Variants in KCND2 observed in about 807,000 individuals in gnomAD.
The protein encoded by KCND2 is potassium voltage-gated channel subfamily D member 2.
A neutral mutation model predicts 54.4 loss-of-function variants in KCND2; 16 were observed. The observed-to-expected ratio is 0.29, with a 90% CI of 0.20 to 0.45. The LOEUF (loss-of-function observed/expected upper bound fraction) is 0.45. Among genes scored for constraint, KCND2 ranks in the 20% least tolerant of loss-of-function variants. The pLI is 1.00. For missense variants in KCND2, 486 were observed against 824.2 expected (o/e 0.59, Z 5.02); for synonymous variants, 317 against 310.7 (o/e 1.02, Z -0.21).
At chr7:120,423,746 A>T (rs1801660950) in intron 1 of KCND2, among the ~76,000 whole-genome samples, 1 of 152,190 alleles carries the variant, frequency 6.6e-6, no homozygotes, top group South Asian at 2.1e-4. Flanking sequence ...TAGCAGAATG[A>T]TACATTTTAT....
chr7:120,604,607 A>G (rs1269048510), intron 1 of KCND2, among the ~76,000 whole-genome samples: 4 of 151,330 alleles, frequency 2.6e-5, no homozygotes, highest in South Asian at 2.1e-4. Context: ...ATTTAGATTC[A>G]GTGTTCTCTC....
intron 1 of KCND2, among the ~76,000 whole-genome samples, chr7:120,376,829 G>C (rs1421030876): frequency 1.3e-5 from 2 of 151,836 alleles, no homozygotes; most frequent in East Asian, 1.9e-4. Context: ...TATGTTAATT[G>C]TGTTCTTTAA....
intron 1 of KCND2, among the ~76,000 whole-genome samples, chr7:120,731,410 G>T (rs1792804835): frequency 6.6e-6 from 1 of 152,182 alleles, no homozygotes; most frequent in Admixed American, 6.6e-5. Context: ...CATTTAAATG[G>T]CACCCTGAAT....
intron 1 of KCND2, among the ~76,000 whole-genome samples, chr7:120,620,509 T>A: frequency 6.6e-6 from 1 of 152,222 alleles, no homozygotes; most frequent in East Asian, 1.9e-4. Flanking sequence ...CTACCAGGCA[T>A]TTTCCAACCA....
At chr7:120,630,373 G>GA (rs921384285) in intron 1 of KCND2, among the ~76,000 whole-genome samples, 3 of 151,962 alleles carry the variant, frequency 2.0e-5, no homozygotes, top group Admixed American at 6.5e-5. Context: ...TCTTCAATGT[G>GA]AAAAAAAGCC....
At chr7:120,693,060 G>A (rs1044728513) in intron 1 of KCND2, among the ~76,000 whole-genome samples, 2 of 152,118 alleles carry the variant, frequency 1.3e-5, no homozygotes, top group Non-Finnish European at 2.9e-5. Flanking sequence ...GAAACAAGAA[G>A]TAGAATTATT....
At chr7:120,678,738 GTA>G (rs66483423) in intron 1 of KCND2, among the ~76,000 whole-genome samples, 9,784 of 115,080 alleles carry the variant, frequency 0.085, 354 homozygotes, top group East Asian at 0.2. Context: ...GTGTGTGAGT[GTA>G]TATATATATA....
At chr7:120,519,000 C>T (rs146504677) in intron 1 of KCND2, among the ~76,000 whole-genome samples, 11 of 152,074 alleles carry the variant, frequency 7.2e-5, no homozygotes, top group Non-Finnish European at 1.3e-4. Context: ...CATGTTGTTG[C>T]TGGTTTGCAA....
chr7:120,295,382 A>C (rs1281927106), intron 1 of KCND2, among the ~76,000 whole-genome samples: 1 of 142,470 alleles, frequency 7.0e-6, no homozygotes, highest in Non-Finnish European at 1.5e-5. Context: ...ACACACACAC[A>C]CACACACACA....
rs557049494 is a variant in KCND2, at chr7:120,526,730, C to A, written c.1116-206173C>A. Among the ~76,000 whole-genome samples the A allele has an allele frequency of 7.9e-5, 12 of 152,178 alleles. 1 individual carries two copies. In the South Asian group the frequency reaches 2.5e-3, roughly 32 times the overall value. On this transcript the variant is annotated intron_variant, in intron 1 of 5. Coordinates refer to ENST00000331113, the MANE Select transcript of KCND2 (RefSeq NM_012281.3). The stretch of plus-strand genomic sequence containing the variant: ...TTATTCAATGTGGAAAAATGTTTAT[C>A]TACATATATAATTGTTTTACATAAG...
chr7:120,539,600 C>T (rs1221615966), intron 1 of KCND2, among the ~76,000 whole-genome samples: 1 of 152,082 alleles, frequency 6.6e-6, no homozygotes, highest in Non-Finnish European at 1.5e-5. Context: ...TTAATGGAGA[C>T]ACAGGAACAA....
chr7:120,392,487 C>A (rs1328049843), intron 1 of KCND2, among the ~76,000 whole-genome samples: 1 of 147,246 alleles, frequency 6.8e-6, no homozygotes, highest in African/African-American at 2.5e-5. Context: ...TACAAAAGTT[C>A]TTTGTTTATT....
chr7:120,455,678 T>C (rs1433490149), intron 1 of KCND2, among the ~76,000 whole-genome samples: 1 of 152,176 alleles, frequency 6.6e-6, no homozygotes, highest in Admixed American at 6.5e-5. Context: ...ATCATGTTTT[T>C]TGCAGCAACA....
intron 1 of KCND2, among the ~76,000 whole-genome samples, chr7:120,298,252 G>T (rs553500528): frequency 5.9e-5 from 9 of 152,062 alleles, no homozygotes; most frequent in Admixed American, 5.9e-4. Flanking sequence ...TCTCTAGGGC[G>T]CATCCTCTCC....
intron 1 of KCND2, among the ~76,000 whole-genome samples, chr7:120,484,733 A>G (rs1307217607): frequency 6.6e-6 from 1 of 151,336 alleles, no homozygotes; most frequent in Non-Finnish European, 1.5e-5. Context: ...ACACACACAC[A>G]AAGAATTTCT....
chr7:120,527,747 T>G (rs1791793671), intron 1 of KCND2, among the ~76,000 whole-genome samples: 1 of 152,110 alleles, frequency 6.6e-6, no homozygotes, highest in African/African-American at 2.4e-5. Context: ...AAAATGTAAG[T>G]ATAATGTCTT....
intron 1 of KCND2, among the ~76,000 whole-genome samples, chr7:120,677,260 A>G (rs1485789163): frequency 1.3e-5 from 2 of 152,194 alleles, no homozygotes; most frequent in African/African-American, 4.8e-5. Context: ...ATGGAAATGC[A>G]AAGTATTTGC....
At chr7:120,731,096 G>C (rs905433860) in intron 1 of KCND2, among the ~76,000 whole-genome samples, 2 of 152,214 alleles carry the variant, frequency 1.3e-5, no homozygotes, top group Admixed American at 6.5e-5. Flanking sequence ...CCCGCCCCAG[G>C]AGTGCACTCT....
chr7:120,746,800 G>A (rs1793013139), intron 5 of KCND2: 1 of 152,110 alleles, frequency 6.6e-6, no homozygotes, highest in African/African-American at 2.4e-5. Flanking sequence ...GTGAGAGTCT[G>A]TAAATTCAGT....
Sources: allele counts gnomAD v4.1 joint callset (sites outside exome capture counted in the v4.1 genomes callset), GRCh38; gene constraint gnomAD v4.1.1; transcripts MANE v1.5; gene names NCBI Gene and HGNC (gene_info 2026-07-23, HGNC 2026-07-21).